GSAP: variants seen among roughly 807,000 people sequenced by gnomAD.
The protein encoded by GSAP is gamma-secretase-activating protein.
Under a neutral mutation model 131.7 loss-of-function variants are expected in GSAP, and 118 were observed. That is an observed-to-expected ratio of 0.90 (90% CI 0.77 to 1.04). The LOEUF (loss-of-function observed/expected upper bound fraction) is 1.04. GSAP is among the 50% of genes least tolerant of loss of function. GSAP has a pLI of 0.00. For synonymous variants in GSAP, 381 were observed against 363.4 expected (o/e 1.05, Z -0.55); for missense variants, 1,019 against 1,013.2 (o/e 1.01, Z -0.08).
intron 2 of GSAP, 141 bp from the exon 3 acceptor site, chr7:77,404,756 C>A (rs1272495841): frequency 1.6e-6 from 1 of 628,718 alleles, no homozygotes; most frequent in Non-Finnish European, 2.9e-6. Context: ...CAGAGGGGGA[C>A]TGAATCCAGT....
chr7:77,390,946 TAAAAAAAAAAAAAAAAAAAAAAAAA>T (rs71085453), intron 5 of GSAP, among the ~76,000 whole-genome samples: 448 of 37,962 alleles, frequency 0.012, 6 homozygotes, highest in African/African-American at 0.042. Flanking sequence ...AGACTCCGTC[TAAAAAAAAAAAAAAAAAAAAAAAAA>T]AAAAAAAAAA....
chr7:77,370,414 G>A (rs1795949333), intron 12 of GSAP, among the ~76,000 whole-genome samples: 1 of 152,062 alleles, frequency 6.6e-6, no homozygotes, highest in African/African-American at 2.4e-5. Flanking sequence ...TGAGCTGAGA[G>A]AGTTCCATTG....
chr7:77,334,940 G>A (rs915579680), intron 19 of GSAP, among the ~76,000 whole-genome samples: 18 of 151,888 alleles, frequency 1.2e-4, no homozygotes, highest in Non-Finnish European at 2.1e-4. Context: ...AAAATTAGCC[G>A]GGTGTGGTGG....
chr7:77,382,517 C>G (rs1797949380), intron 7 of GSAP, 57 bp downstream of exon 7: 2 of 902,416 alleles, frequency 2.2e-6, no homozygotes, highest in Admixed American at 3.4e-5. Context: ...ATGTACCACA[C>G]TAGGAGACGA....
intron 22 of GSAP, chr7:77,327,370 A>AAC (rs3830635): frequency 0.18 from 27,045 of 151,982 alleles, 3,331 homozygotes; most frequent in East Asian, 0.43. Flanking sequence ...ATAAGCCTGA[A>AAC]ACACACACAC....
intron 19 of GSAP, among the ~76,000 whole-genome samples, chr7:77,346,270 C>CAAAAAAAAA (rs1223497863): frequency 1.6e-3 from 66 of 40,732 alleles, no homozygotes; most frequent in East Asian, 4.0e-3. Context: ...GACTCCATCT[C>CAAAAAAAAA]AAAAAAAAAA....
intron 13 of GSAP, among the ~76,000 whole-genome samples, chr7:77,362,236 CCA>C (rs1794631745): frequency 1.3e-5 from 2 of 152,256 alleles, no homozygotes; most frequent in African/African-American, 4.8e-5. Context: ...CCTATAATCC[CCA>C]CACTTTGGTA....
chr7:77,396,278 G>A (rs777692536), intron 5 of GSAP, among the ~76,000 whole-genome samples: 3 of 151,974 alleles, frequency 2.0e-5, no homozygotes, highest in Non-Finnish European at 4.4e-5. Flanking sequence ...ACATTCTGCT[G>A]GTCACTTGAT....
At chr7:77,340,576 C>G (rs998785059) in intron 19 of GSAP, among the ~76,000 whole-genome samples, 2 of 152,204 alleles carry the variant, frequency 1.3e-5, no homozygotes, top group Non-Finnish European at 2.9e-5. Flanking sequence ...CCCTGTCCTT[C>G]CAATTCCAGT....
At chr7:77,393,096 T>C (rs1440958938) in intron 5 of GSAP, among the ~76,000 whole-genome samples, 3 of 152,058 alleles carry the variant, frequency 2.0e-5, no homozygotes, top group Non-Finnish European at 4.4e-5. Context: ...CATTGTAAAG[T>C]ATGTGGATCA....
chr7:77,409,923 A>T (rs966053422), intron 1 of GSAP, among the ~76,000 whole-genome samples: 9 of 152,176 alleles, frequency 5.9e-5, no homozygotes, highest in African/African-American at 2.2e-4. Context: ...TCTTAAAATC[A>T]TTAAGGGAGC....
chr7:77,388,795 A>G (rs1004841076), intron 5 of GSAP, among the ~76,000 whole-genome samples: 1 of 152,230 alleles, frequency 6.6e-6, no homozygotes, highest in Non-Finnish European at 1.5e-5. Flanking sequence ...ACAATTTCTG[A>G]GCTATGTCCT....
chr7:77,362,036 C>T (rs1422241128), intron 13 of GSAP, among the ~76,000 whole-genome samples: 1 of 152,086 alleles, frequency 6.6e-6, no homozygotes, highest in Non-Finnish European at 1.5e-5. Flanking sequence ...TAGGATTGGT[C>T]CACAAGCCTA....
chr7:77,412,883 A>G lies in GSAP; in HGVS notation c.109+3330T>C, dbSNP rs188946510. Among the ~76,000 whole-genome samples, 10 of 152,204 alleles carry G rather than the reference A, an allele frequency of 6.6e-5. No homozygotes were observed. In the East Asian group the frequency reaches 1.5e-3, roughly 24 times the overall value. On this transcript the variant is annotated intron_variant, in intron 1 of 30. Transcript: ENST00000257626. ...AAATCAGAGTGTTAATAAGTACAAC[A>G]CTCTGGAAAACAATTTGGCACTGCC... is the stretch of plus-strand genomic sequence containing the variant.
At position 77,387,376 on chromosome 7, in the gene GSAP, CT is replaced by C; in HGVS notation, c.439del (p.Ser147AlafsTer24). On this transcript the variant is annotated frameshift_variant, in exon 6 of 31. Transcript: ENST00000257626. LOFTEE classifies it high-confidence loss of function. ...NNVKVLKAVD[S>X]YIWVQFLYPH... The stretch of plus-strand genomic sequence containing the variant: ...CTTACTTACCTGAACCCAAATATAG[CT>C]ATCCACAGCCTTTAGAACCTTCACA... The C allele has an allele frequency of 1.3e-6, 2 of 1,575,098 alleles. No individual in the cohort carries two copies. The highest frequency in any genetic ancestry group is 1.7e-6 in the Non-Finnish European group (2 of 1,144,470).
At chr7:77,369,394 C>T (rs1452249076) in intron 12 of GSAP, among the ~76,000 whole-genome samples, 1 of 152,194 alleles carries the variant, frequency 6.6e-6, no homozygotes, top group African/African-American at 2.4e-5. Flanking sequence ...TTGCCCACCA[C>T]CAATCTCATG....
intron 19 of GSAP, among the ~76,000 whole-genome samples, chr7:77,341,456 C>T (rs1049662366): frequency 6.6e-6 from 1 of 152,224 alleles, no homozygotes; most frequent in African/African-American, 2.4e-5. Context: ...TTTCATTCCA[C>T]GACTAGCCCT....
chr7:77,367,449 T>C (rs1795490636), intron 12 of GSAP, among the ~76,000 whole-genome samples: 1 of 152,246 alleles, frequency 6.6e-6, no homozygotes, highest in African/African-American at 2.4e-5. Context: ...CTTTTCTGCA[T>C]CTATTGAGAT....
Position 77,377,400 on chromosome 7 carries a change from C to CAAAAAAAAAAAA in GSAP, c.577-22_577-11dup, listed in dbSNP as rs56314229. 3.2e-5 allele frequency: 38 copies of CAAAAAAAAAAAA among 1,184,540 alleles called. No homozygotes were observed. The highest frequency in any genetic ancestry group is 2.9e-4 in the East Asian group (8 of 27,184). The allele number at this position is 1,184,540 out of a possible 1,614,324, so 73.4% of individuals were successfully genotyped here. On this transcript the variant is annotated splice_polypyrimidine_tract_variant and intron_variant, in intron 8 of 30. Coordinates refer to ENST00000257626, the MANE Select transcript of GSAP (RefSeq NM_017439.4). ...CAGAATTTTTAATCACCTAAAAATGCAAAAAAAAAAAAAAAAAAAAAAGTA... is the reference window on the plus strand; with the variant it reads ...CAGAATTTTTAATCACCTAAAAATGCAAAAAAAAAAAAAAAAAAAAAAAAAAAAAAAAAAGTA...
Sources: allele counts gnomAD v4.1 joint callset (sites outside exome capture counted in the v4.1 genomes callset), GRCh38; gene constraint gnomAD v4.1.1; transcripts MANE v1.5; gene names NCBI Gene and HGNC (gene_info 2026-07-23, HGNC 2026-07-21).